The following BFSP1 variants were observed in gnomAD, a reference collection of about 807,000 sequenced individuals.
The protein encoded by BFSP1 is filensin.
A neutral mutation model predicts 43.9 loss-of-function variants in BFSP1; 38 were observed. That is an observed-to-expected ratio of 0.87 (90% CI 0.67 to 1.14). The LOEUF (loss-of-function observed/expected upper bound fraction) is 1.14. Ranked by LOEUF, BFSP1 falls within the 50% of genes most tolerant of loss-of-function variation. The pLI, the probability that BFSP1 is intolerant of heterozygous loss-of-function variation, is 0.00. For missense variants in BFSP1, 850 were observed against 875.1 expected (o/e 0.97, Z 0.36); for synonymous variants, 352 against 354.8 (o/e 0.99, Z 0.09).
In BFSP1 at chr20:17,507,270, TAG is replaced by T. The variant is rs139030916; in HGVS notation, c.735+1617_735+1618del. ...TTGCGAGCCATACACATCAGATAGG[TAG>T]GTGTGTGTGTGTGTGTGTGTGTGTG... On this transcript the variant is annotated intron_variant, in intron 5 of 7. Coordinates refer to ENST00000377873, the MANE Select transcript of BFSP1 (RefSeq NM_001195.5). This position sits in a 1 kb window ranked among gnomAD's most constrained non-coding sequence, Gnocchi z 4.4. Among the ~76,000 whole-genome samples the T allele has an allele frequency of 7.2e-3, 971 of 134,560 alleles. 14 individuals are homozygous for T. Among genetic ancestry groups the T allele is most frequent in the South Asian group, 0.069 (288 of 4,204 alleles). The allele number at this position is 134,560 out of a possible 152,430, so 88.3% of individuals were successfully genotyped here.
At chr20:17,563,633 C>A (rs1327797021), upstream of BFSP1, among the ~76,000 whole-genome samples, 1 of 152,004 alleles carries the variant, frequency 6.6e-6, no homozygotes, top group Non-Finnish European at 1.5e-5. Flanking sequence ...GAGTCACCTC[C>A]TCCCCACCAC....
In BFSP1 at chr20:17,538,386, T is replaced by C. The variant is rs143312977; in HGVS notation, c.3-13478A>G. On this transcript the variant is annotated intron_variant, in intron 1 of 7. Coordinates refer to the BFSP1 transcript ENST00000377868. ...GAGGTATAGAAGTTCCTTTTACTCCTCCTGCAACTTTTCCATAAGTTTGAA... is the reference window on the plus strand; with the variant it reads ...GAGGTATAGAAGTTCCTTTTACTCCCCCTGCAACTTTTCCATAAGTTTGAA... 7.5e-3 allele frequency among the ~76,000 whole-genome samples: 1,135 copies of C among 152,320 alleles called. 12 individuals are homozygous for C. The highest frequency in any genetic ancestry group is 0.025 in the African/African-American group (1,044 of 41,560).
At chr20:17,538,185 G>A (rs190126643) in intron 1 of BFSP1, among the ~76,000 whole-genome samples, 1 of 151,870 alleles carries the variant, frequency 6.6e-6, no homozygotes, top group East Asian at 1.9e-4. Flanking sequence ...AAAGGGAAGG[G>A]AAGGAAGGAA....
rs558077529 is a variant in BFSP1, at chr20:17,558,121, G to C, written c.2+567C>G. 1.1e-3 allele frequency among the ~76,000 whole-genome samples: 138 copies of C among 128,592 alleles called. 2 individuals carry two copies. The highest frequency in any genetic ancestry group is 4.5e-3 in the African/African-American group (130 of 28,966). 84.4% of individuals were successfully genotyped at this position (128,592 alleles called of 152,430 possible). ...CTAGCATCTTATACACACAAAGATG[G>C]GGGGGGGTTTTACTCAGCAAGAAAA... On this transcript the variant is annotated intron_variant, in intron 1 of 7. Transcript: ENST00000377868.
upstream of BFSP1, chr20:17,531,387 G>GCGCAGCC (rs971280187): frequency 8.5e-6 from 11 of 1,287,802 alleles, no homozygotes; most frequent in African/African-American, 4.7e-5. Context: ...GAGGCCCCCG[G>GCGCAGCC]CGCAGCCCGC....
chr20:17,502,427 A>G (rs1195903425), intron 5 of BFSP1, among the ~76,000 whole-genome samples: 2 of 152,246 alleles, frequency 1.3e-5, no homozygotes, highest in African/African-American at 2.4e-5. Context: ...CATCACGGTC[A>G]TGGAAGACAG....
chr20:17,558,631 A>G, intron 1 of BFSP1: 2 of 1,532,934 alleles, frequency 1.3e-6, no homozygotes, highest in Non-Finnish European at 1.8e-6. Flanking sequence ...TCTTTAAAGC[A>G]AAAAGAAAAA....
chr20:17,495,537 C>T (rs1346854945), intron 7 of BFSP1, among the ~76,000 whole-genome samples: 2 of 152,122 alleles, frequency 1.3e-5, no homozygotes, highest in Non-Finnish European at 2.9e-5. Context: ...AGATGGAACC[C>T]GTTCACGGTG....
chr20:17,501,756 G>A (rs534071706), intron 5 of BFSP1, among the ~76,000 whole-genome samples: 37 of 152,290 alleles, frequency 2.4e-4, no homozygotes, highest in African/African-American at 7.9e-4. Flanking sequence ...CCAAAGGCAC[G>A]GTCCCAGCAA....
chr20:17,533,375 T>C (rs1257301285), upstream of BFSP1, among the ~76,000 whole-genome samples: 1 of 152,160 alleles, frequency 6.6e-6, no homozygotes, highest in South Asian at 2.1e-4. Context: ...ATTTGTTCCC[T>C]ATGATACCAT....
At chr20:17,520,275 T>TTA (rs1191972667) in intron 2 of BFSP1, among the ~76,000 whole-genome samples, 1 of 131,584 alleles carries the variant, frequency 7.6e-6, no homozygotes, top group African/African-American at 2.8e-5. Flanking sequence ...TTAGAACCAC[T>TTA]AATCTAGACT....
intron 2 of BFSP1, chr20:17,516,743 T>C (rs1418043860): frequency 6.4e-6 from 2 of 311,918 alleles, no homozygotes; most frequent in African/African-American, 4.3e-5. Flanking sequence ...AACTTGAGAG[T>C]TGTACAAGAT....
chr20:17,551,437 C>A (rs1233407092), intron 1 of BFSP1, among the ~76,000 whole-genome samples: 2 of 152,178 alleles, frequency 1.3e-5, no homozygotes, highest in Admixed American at 1.3e-4. Flanking sequence ...ACCCACGATC[C>A]AATCACCTCC....
At chr20:17,569,075 G>A (rs1383634140) in intron 1 of BFSP1, 2 of 152,210 alleles carry the variant, frequency 1.3e-5, no homozygotes, top group Admixed American at 1.3e-4. Flanking sequence ...ACCGTCCCGG[G>A]ACAGCGCGGC....
At chr20:17,541,150 T>G (rs2034709587) in intron 1 of BFSP1, 2 of 558,986 alleles carry the variant, frequency 3.6e-6, no homozygotes, top group Admixed American at 6.4e-5. Context: ...TGATCATTCC[T>G]GTGAATAGCC....
chr20:17,530,491 T>C (rs1210738380), intron 1 of BFSP1, among the ~76,000 whole-genome samples: 8 of 152,196 alleles, frequency 5.3e-5, no homozygotes, highest in Non-Finnish European at 1.2e-4. Context: ...TCTATTTTTG[T>C]GGAACTGTAG....
intron 5 of BFSP1, among the ~76,000 whole-genome samples, chr20:17,502,766 TCAAA>T (rs1177768831): frequency 6.6e-6 from 1 of 152,164 alleles, no homozygotes; most frequent in Non-Finnish European, 1.5e-5. Context: ...AAATCTGGAT[TCAAA>T]CAGTCGCCTG....
At chr20:17,512,493 G>T (rs1281973613) in intron 3 of BFSP1, among the ~76,000 whole-genome samples, 1 of 152,158 alleles carries the variant, frequency 6.6e-6, no homozygotes, top group Non-Finnish European at 1.5e-5. Context: ...AAGGCAGGTG[G>T]ATTGCTTGAG....
intron 1 of BFSP1, 94 bp downstream of exon 1, chr20:17,530,859 G>A (rs960347707): frequency 2.1e-5 from 26 of 1,256,928 alleles, no homozygotes; most frequent in Admixed American, 8.5e-5. Flanking sequence ...CAGAGACGGC[G>A]CTCCACCCCT....
Sources: gnomAD v4.1 joint callset for allele counts (sites outside exome capture counted in the v4.1 genomes callset) on GRCh38, gnomAD v4.1.1 for gene constraint, Gnocchi (gnomAD v3.1) non-coding constraint, MANE v1.5 for transcripts, NCBI Gene and HGNC (gene_info 2026-07-23, HGNC 2026-07-21) for gene names.